BLTP2: variants seen among roughly 807,000 people sequenced by gnomAD.
BLTP2 encodes the protein bridge-like lipid transfer protein family member 2, also known as U937-associated antigen.
chr17:28,631,518 G>C, the BLTP2 span: 1 of 1,614,046 alleles, frequency 6.2e-7, no homozygotes, highest in Non-Finnish European at 8.5e-7. Flanking sequence ...GGTAGGTGAG[G>C]GAGGACAAGC....
chr17:28,634,440 T>A, the BLTP2 span: 2 of 1,446,922 alleles, frequency 1.4e-6, no homozygotes, highest in Non-Finnish European at 1.9e-6. Context: ...ATAACCTAGT[T>A]CCTCTGAAAT....
chr17:28,624,110 T>C, the BLTP2 span: 7 of 1,357,200 alleles, frequency 5.2e-6, no homozygotes, highest in Non-Finnish European at 7.2e-6. Context: ...TTACCTATGA[T>C]ACCTATGAGA....
the BLTP2 span, chr17:28,615,060 C>T: frequency 1.2e-6 from 2 of 1,612,246 alleles, no homozygotes; most frequent in South Asian, 2.2e-5. Context: ...CTCGAATCGC[C>T]AAATCATTTG....
the BLTP2 span, chr17:28,615,244 T>C: frequency 3.7e-6 from 6 of 1,601,900 alleles, no homozygotes; most frequent in Non-Finnish European, 5.1e-6. Context: ...TCTCTTTGAT[T>C]ACCTGGCAGA....
the BLTP2 span, chr17:28,635,162 G>C: frequency 1.2e-6 from 2 of 1,614,016 alleles, no homozygotes; most frequent in Non-Finnish European, 1.7e-6. Context: ...AGGGTCTGCA[G>C]CGCAGGGAAG....
At chr17:28,620,969 C>G in the BLTP2 span, 2 of 1,609,748 alleles carry the variant, frequency 1.2e-6, no homozygotes, top group Non-Finnish European at 1.7e-6. Flanking sequence ...TTCCTAAAAG[C>G]CTTTCAAGCC....
the BLTP2 span, among the ~76,000 whole-genome samples, chr17:28,631,080 C>A: frequency 6.6e-6 from 1 of 152,176 alleles, no homozygotes; most frequent in East Asian, 1.9e-4. Context: ...TGTGTTCCCC[C>A]CAAATTCATA....
At chr17:28,635,390 G>A in the BLTP2 span, 3 of 1,614,218 alleles carry the variant, frequency 1.9e-6, no homozygotes, top group Non-Finnish European at 2.5e-6. Flanking sequence ...CTCACCTCCA[G>A]GGTTAGGTTT....
chr17:28,643,511 C>T, the BLTP2 span: 4 of 1,411,694 alleles, frequency 2.8e-6, no homozygotes, highest in Non-Finnish European at 4.0e-6. Flanking sequence ...AACCTCCCTT[C>T]CTCCTTGGAT....
At chr17:28,624,447 C>A in the BLTP2 span, 1 of 1,519,718 alleles carries the variant, frequency 6.6e-7, no homozygotes, top group Non-Finnish European at 9.0e-7. Context: ...AAGACTTTTC[C>A]CTTTCCAGAG....
the BLTP2 span, chr17:28,634,424 C>T: frequency 1.1e-6 from 1 of 929,054 alleles, no homozygotes; most frequent in Non-Finnish European, 1.6e-6. Context: ...CGGCACAGTT[C>T]CCAATATAAC....
the BLTP2 span, chr17:28,642,477 T>G: frequency 4.4e-6 from 3 of 676,834 alleles, no homozygotes; most frequent in East Asian, 2.7e-5. Flanking sequence ...CGGTGAAACC[T>G]CATCTCTACT....
chr17:28,635,750 C>T, the BLTP2 span: 3 of 814,248 alleles, frequency 3.7e-6, no homozygotes, highest in African/African-American at 5.2e-5. Context: ...TTAATTACTG[C>T]CTTGCTTTGT....
the BLTP2 span, chr17:28,616,004 A>G: frequency 8.7e-7 from 1 of 1,145,848 alleles, no homozygotes; most frequent in African/African-American, 1.5e-5. This position sits in a 1 kb window ranked among gnomAD's most constrained non-coding sequence, Gnocchi z 4.8. Context: ...GCTCAGCATC[A>G]CAAACAACCT....
the BLTP2 span, chr17:28,634,112 T>C: frequency 1.7e-5 from 28 of 1,605,130 alleles, no homozygotes; most frequent in Non-Finnish European, 2.4e-5. Context: ...GGGTACACAC[T>C]GGCTACTCAG....
At chr17:28,635,075 G>C in the BLTP2 span, 3 of 1,613,432 alleles carry the variant, frequency 1.9e-6, no homozygotes, top group East Asian at 4.5e-5. Context: ...GCCTCATCTA[G>C]AGTTCGAGAA....
chr17:28,619,807 C>A, the BLTP2 span: 1 of 1,613,846 alleles, frequency 6.2e-7, no homozygotes, highest in Non-Finnish European at 8.5e-7. Context: ...TGAGAGACCG[C>A]CCTCGTTCTA....
At chr17:28,621,407 G>A in the BLTP2 span, 2 of 1,613,640 alleles carry the variant, frequency 1.2e-6, no homozygotes, top group Non-Finnish European at 1.7e-6. Context: ...ACCTGTGGTT[G>A]TGGTAACCAT....
the BLTP2 span, chr17:28,640,699 A>C: frequency 6.2e-7 from 1 of 1,613,354 alleles, no homozygotes; most frequent in East Asian, 2.2e-5. Flanking sequence ...AATATGAATG[A>C]ATAACGTAAG....
Sources: allele counts gnomAD v4.1 joint callset (sites outside exome capture counted in the v4.1 genomes callset), GRCh38; gene constraint gnomAD v4.1.1; non-coding constraint Gnocchi (gnomAD v3.1); transcripts MANE v1.5; gene names NCBI Gene and HGNC (gene_info 2026-07-23, HGNC 2026-07-21).